FAM135A: variants seen among roughly 807,000 people sequenced by gnomAD.
The protein encoded by FAM135A is protein FAM135A.
In FAM135A, 79 loss-of-function variants were observed where a neutral mutation model predicts 146.8. The observed-to-expected ratio is 0.54, with a 90% confidence interval of 0.45 to 0.65. The LOEUF (loss-of-function observed/expected upper bound fraction) is 0.65, where lower values mean the gene tolerates loss of function less well. FAM135A is among the 30% of genes least tolerant of loss of function. The probability of loss-of-function intolerance (pLI) is 0.00; values close to 1 mark genes in which losing one functional copy is unlikely to be tolerated. For synonymous variants in FAM135A, 562 were observed against 603.6 expected, an observed-to-expected ratio of 0.93 and a Z score of 1.01; for missense variants, 1,623 against 1,758.2, an observed-to-expected ratio of 0.92 and a Z score of 1.38.
At position 70,541,244 on chromosome 6, in the gene FAM135A, C is replaced by T. The variant is rs570431722; in HGVS notation, c.4228+2843C>T. 2.6e-5 allele frequency among the ~76,000 whole-genome samples: 4 copies of T among 151,978 alleles called. No homozygotes were observed. In the South Asian group the frequency reaches 8.3e-4, roughly 32 times the overall value. On this transcript the variant is annotated intron_variant, in intron 20 of 21. Transcript: ENST00000418814. ...GTTGATCTCTTATTCTGTACTTGTC[C>T]CCCTTTCCCCTTTTTCTGAGAGTGT...
intron 4 of FAM135A, among the ~76,000 whole-genome samples, chr6:70,451,319 A>G (rs958538749): frequency 1.3e-5 from 2 of 152,190 alleles, no homozygotes; most frequent in African/African-American, 2.4e-5. Context: ...TTGCTTTTAT[A>G]TCGTATACCT....
intron 2 of FAM135A, among the ~76,000 whole-genome samples, chr6:70,422,276 G>A (rs1581980860): frequency 6.6e-6 from 1 of 152,254 alleles, no homozygotes; most frequent in African/African-American, 2.4e-5. Flanking sequence ...CCTATAGCTG[G>A]AAAACAAGTA....
chr6:70,452,722 A>G (rs983206437), intron 5 of FAM135A, among the ~76,000 whole-genome samples, 151 bp downstream of exon 5: 1 of 152,156 alleles, frequency 6.6e-6, no homozygotes, highest in African/African-American at 2.4e-5. Flanking sequence ...ACTCAGTGAA[A>G]CAGATTTGAT....
intron 12 of FAM135A, among the ~76,000 whole-genome samples, chr6:70,509,703 C>T (rs541123648): frequency 1.6e-4 from 25 of 152,094 alleles, no homozygotes; most frequent in African/African-American, 6.0e-4. Flanking sequence ...TTTGTCATTC[C>T]CATTTTATAA....
intron 11 of FAM135A, among the ~76,000 whole-genome samples, chr6:70,492,822 A>G (rs1460594733): frequency 3.3e-5 from 5 of 152,034 alleles, no homozygotes; most frequent in African/African-American, 1.2e-4. Context: ...AAAAGTGACT[A>G]CTGAGCTTCA....
chr6:70,536,032 T>C (rs1796727499), intron 18 of FAM135A: 1 of 385,586 alleles, frequency 2.6e-6, no homozygotes, highest in Non-Finnish European at 4.5e-6. Context: ...TTCAGATTAA[T>C]ATGTTGTTTC....
chr6:70,455,020 C>T (rs961352038), intron 5 of FAM135A, among the ~76,000 whole-genome samples: 7 of 152,212 alleles, frequency 4.6e-5, no homozygotes, highest in African/African-American at 1.4e-4. Context: ...TTACCTTGGG[C>T]AGTATGGCCA....
chr6:70,416,664 G>A (rs1767641954), intron 2 of FAM135A, among the ~76,000 whole-genome samples: 1 of 152,178 alleles, frequency 6.6e-6, no homozygotes, highest in Non-Finnish European at 1.5e-5. Flanking sequence ...GGTGGCTCAT[G>A]CCTGTAATTC....
chr6:70,443,865 G>A (rs2127973689), intron 4 of FAM135A, among the ~76,000 whole-genome samples: 1 of 151,922 alleles, frequency 6.6e-6, no homozygotes, highest in East Asian at 1.9e-4. Context: ...TAATTGCTTT[G>A]CCTAATTCAC....
intron 4 of FAM135A, among the ~76,000 whole-genome samples, chr6:70,433,834 A>G (rs1389867072): frequency 6.6e-6 from 1 of 152,266 alleles, no homozygotes; most frequent in African/African-American, 2.4e-5. Context: ...GAAAGGAATA[A>G]ACAGATTACT....
Position 70,466,494 on chromosome 6 carries a change from A to T in FAM135A, c.158-8916A>T, listed in dbSNP as rs563806972. On this transcript the variant is annotated intron_variant, in intron 5 of 21. Transcript: ENST00000418814. ...AAGTCTCCCAGAAGAAAAGTTGAACAGAGTCTCTGGGTTATGGTATGCTTC... is the reference window on the plus strand; with the variant it reads ...AAGTCTCCCAGAAGAAAAGTTGAACTGAGTCTCTGGGTTATGGTATGCTTC... 4.8e-4 allele frequency among the ~76,000 whole-genome samples: 73 copies of T among 152,298 alleles called. No individual in the cohort carries two copies. In the South Asian group the frequency reaches 8.1e-3, roughly 17 times the overall value.
chr6:70,421,477 T>C (rs1768838543), intron 2 of FAM135A, among the ~76,000 whole-genome samples: 1 of 152,144 alleles, frequency 6.6e-6, no homozygotes, highest in South Asian at 2.1e-4. Context: ...TCTTTGAGAG[T>C]AAGCTAACTT....
intron 4 of FAM135A, among the ~76,000 whole-genome samples, chr6:70,434,317 A>C (rs1772449641): frequency 6.6e-6 from 1 of 152,244 alleles, no homozygotes; most frequent in Non-Finnish European, 1.5e-5. Flanking sequence ...GTTAGGTTTT[A>C]AAGTGGGGGA....
At chr6:70,458,521 A>G (rs1275905329) in intron 5 of FAM135A, among the ~76,000 whole-genome samples, 2 of 152,126 alleles carry the variant, frequency 1.3e-5, no homozygotes, top group Non-Finnish European at 2.9e-5. Flanking sequence ...ACTATTCCCA[A>G]CATGATTACC....
At chr6:70,557,863 G>A (rs16869370) in intron 21 of FAM135A, among the ~76,000 whole-genome samples, 43,795 of 151,954 alleles carry the variant, frequency 0.29, 8,507 homozygotes, top group African/African-American at 0.55. Flanking sequence ...TTTATTGACA[G>A]TGCCTAACAT....
At chr6:70,463,419 T>TA (rs80004977) in intron 5 of FAM135A, among the ~76,000 whole-genome samples, 25,994 of 142,082 alleles carry the variant, frequency 0.18, 3,721 homozygotes, top group African/African-American at 0.41. Flanking sequence ...CTGGCCTAAT[T>TA]AAAAAAAAAA....
rs1244048333 is a variant in FAM135A at position 70,560,885 on chromosome 6, C to G, written c.*964C>G. On this transcript the variant is annotated 3_prime_UTR_variant, in exon 22 of 22. Coordinates refer to ENST00000418814, the MANE Select transcript of FAM135A (RefSeq NM_001162529.3). ...AGATGGAACAAAATAATTAACTTTA[C>G]ATGTTTGGTGATACAGATGCAAATG... The G allele has an allele frequency of 2.0e-5, 3 of 152,510 alleles. No homozygotes were observed. The highest frequency in any genetic ancestry group is 1.9e-4 in the East Asian group (1 of 5,180). 9.4% of individuals were successfully genotyped at this position (152,510 alleles called of 1,614,324 possible). A position where few individuals can be genotyped will look rare whatever the true frequency, so the allele number is the denominator to read the frequency against.
At chr6:70,519,637 G>A (rs2747698) in intron 12 of FAM135A, among the ~76,000 whole-genome samples, 5 of 152,046 alleles carry the variant, frequency 3.3e-5, no homozygotes, top group Non-Finnish European at 7.4e-5. Context: ...AGCAGCAAAA[G>A]TAGCCGAAGG....
chr6:70,493,528 T>C (rs1211814261), intron 11 of FAM135A, among the ~76,000 whole-genome samples: 2 of 152,186 alleles, frequency 1.3e-5, no homozygotes, highest in Non-Finnish European at 2.9e-5. Flanking sequence ...TTATAATGCG[T>C]CTTGAGACAT....
Sources: gnomAD v4.1 joint callset for allele counts (sites outside exome capture counted in the v4.1 genomes callset) on GRCh38, gnomAD v4.1.1 for gene constraint, MANE v1.5 for transcripts, NCBI Gene and HGNC (gene_info 2026-07-23, HGNC 2026-07-21) for gene names.